SYNGR1: variants seen among roughly 807,000 people sequenced by gnomAD.
The protein encoded by SYNGR1 is synaptogyrin 1.
SYNGR1 carries 14 observed loss-of-function variants against 26.1 expected under a neutral mutation model. The ratio of observed to expected loss-of-function variants is 0.54; its 90% confidence interval spans 0.35 to 0.84. SYNGR1 has a LOEUF of 0.84. SYNGR1 is among the 40% of genes least tolerant of loss of function. The pLI is 0.01. For synonymous variants in SYNGR1, 141 were observed against 150.1 expected, an observed-to-expected ratio of 0.94 and a Z score of 0.44; for missense variants, 319 against 332.9, an observed-to-expected ratio of 0.96 and a Z score of 0.33.
chr22:39,359,229 C>T (rs1924338075), intron 1 of SYNGR1, among the ~76,000 whole-genome samples: 1 of 152,174 alleles, frequency 6.6e-6, no homozygotes, highest in Admixed American at 6.5e-5. Context: ...AGGCCACTTA[C>T]AGGACATTGT....
rs138393719 is a variant in SYNGR1 at position 39,383,441 on chromosome 22, T to C, written c.*1527T>C. 1 of 152,350 alleles carries C rather than the reference T, an allele frequency of 6.6e-6. No individual in the cohort carries two copies. The highest frequency in any genetic ancestry group is 6.5e-5 in the Admixed American group (1 of 15,284). 9.4% of individuals were successfully genotyped at this position (152,350 alleles called of 1,614,324 possible). A position where few individuals can be genotyped will look rare whatever the true frequency, so the allele number is the denominator to read the frequency against. The stretch of plus-strand genomic sequence containing the variant: ...TGAGGAGGTCATAATCTCTTCTGAG[T>C]GGGGGCAGGTCGATTCTTGCACAAG... On this transcript the variant is annotated 3_prime_UTR_variant, in exon 4 of 4. Coordinates refer to ENST00000328933, the MANE Select transcript of SYNGR1 (RefSeq NM_004711.5).
chr22:39,364,560 G>C (rs1215425833), intron 1 of SYNGR1, among the ~76,000 whole-genome samples: 3 of 152,228 alleles, frequency 2.0e-5, no homozygotes, highest in African/African-American at 4.8e-5. Flanking sequence ...GTGGGAAAGA[G>C]TGACTGGGAA....
intron 2 of SYNGR1, 88 bp downstream of exon 2, chr22:39,374,641 G>A (rs780778010): frequency 2.2e-6 from 3 of 1,393,122 alleles, no homozygotes; most frequent in Admixed American, 1.8e-5. Flanking sequence ...TTCTTCCCAT[G>A]TTTCAGATGA....
intron 1 of SYNGR1, among the ~76,000 whole-genome samples, chr22:39,370,036 T>C (rs1420070783): frequency 6.6e-6 from 1 of 152,224 alleles, no homozygotes; most frequent in Non-Finnish European, 1.5e-5. Flanking sequence ...TTTTGCTGTG[T>C]TGCCCAGGCT....
intron 1 of SYNGR1, among the ~76,000 whole-genome samples, chr22:39,369,934 G>A (rs1200945413): frequency 1.3e-5 from 2 of 152,158 alleles, no homozygotes; most frequent in African/African-American, 4.8e-5. Flanking sequence ...ACTGTGGCCA[G>A]ATTAGCCTAA....
intron 1 of SYNGR1, among the ~76,000 whole-genome samples, chr22:39,359,646 A>G (rs1282813879): frequency 6.7e-6 from 1 of 150,258 alleles, no homozygotes; most frequent in East Asian, 2.0e-4. Flanking sequence ...AAAAAAAAAA[A>G]AAAAAAAAAA....
intron 1 of SYNGR1, among the ~76,000 whole-genome samples, chr22:39,360,240 C>T (rs1303795167): frequency 1.3e-5 from 2 of 152,204 alleles, no homozygotes; most frequent in African/African-American, 4.8e-5. Flanking sequence ...CCTCTCTCTC[C>T]TCCACCCTCA....
At chr22:39,375,698 G>A in intron 2 of SYNGR1, 1 of 586,778 alleles carries the variant, frequency 1.7e-6, no homozygotes, top group South Asian at 2.1e-5. Flanking sequence ...GGCTGGACAT[G>A]GGGGTTTGGC....
Position 39,366,645 on chromosome 22 carries a change from C to T in SYNGR1, c.100-7671C>T, listed in dbSNP as rs138069853. 6.0e-4 allele frequency among the ~76,000 whole-genome samples: 91 copies of T among 152,118 alleles called. 1 individual carries two copies. Among genetic ancestry groups the T allele is most frequent in the Middle Eastern group, 3.4e-3 (1 of 294 alleles). On this transcript the variant is annotated intron_variant, in intron 1 of 3. Coordinates refer to ENST00000328933, the MANE Select transcript of SYNGR1 (RefSeq NM_004711.5). ...CGGGCAACAGAGCGAGACTCCATCT[C>T]AAAAATATATATATATATTCAGCAC...
intron 1 of SYNGR1, among the ~76,000 whole-genome samples, chr22:39,369,787 G>C (rs80343300): frequency 3.3e-5 from 5 of 152,204 alleles, no homozygotes; most frequent in African/African-American, 1.2e-4. Context: ...ATGCCCTCAC[G>C]GGTCTGAAGT....
intron 1 of SYNGR1, among the ~76,000 whole-genome samples, chr22:39,358,219 ACT>A (rs1924266955): frequency 6.6e-6 from 1 of 152,158 alleles, no homozygotes; most frequent in South Asian, 2.1e-4. Context: ...GTGTGTCCAA[ACT>A]CTGTATCTAA....
chr22:39,359,042 C>T (rs570535521), intron 1 of SYNGR1, among the ~76,000 whole-genome samples: 1 of 152,310 alleles, frequency 6.6e-6, no homozygotes, highest in East Asian at 1.9e-4. Flanking sequence ...GTGCAGGGGG[C>T]AAGAGTCCCT....
chr22:39,354,121 C>G (rs1031836187), intron 1 of SYNGR1, among the ~76,000 whole-genome samples: 2 of 152,204 alleles, frequency 1.3e-5, no homozygotes, highest in African/African-American at 4.8e-5. Flanking sequence ...CTCAGCCTCC[C>G]AAAGTGCTGG....
At chr22:39,361,693 C>T (rs542653299) in intron 1 of SYNGR1, among the ~76,000 whole-genome samples, 1 of 152,108 alleles carries the variant, frequency 6.6e-6, no homozygotes, top group South Asian at 2.1e-4. Context: ...AGAGACCTCA[C>T]AGAACCTCAG....
chr22:39,378,012 A>G, intron 3 of SYNGR1: 2 of 1,204,464 alleles, frequency 1.7e-6, no homozygotes, highest in Non-Finnish European at 2.1e-6. Context: ...TTCCAAATGG[A>G]CAGCCGTGGA....
intron 3 of SYNGR1, chr22:39,379,827 A>G (rs1214209739): frequency 6.6e-6 from 1 of 151,974 alleles, no homozygotes; most frequent in Non-Finnish European, 1.5e-5. Context: ...AAGGGGTAGG[A>G]CCCCATGTTT....
At chr22:39,371,203 G>C (rs552021559) in intron 1 of SYNGR1, among the ~76,000 whole-genome samples, 90 of 152,186 alleles carry the variant, frequency 5.9e-4, no homozygotes, top group African/African-American at 2.1e-3. Context: ...GAGGCCGGGC[G>C]TGGTGGCTGA....
chr22:39,357,720 G>A (rs1394813124), intron 1 of SYNGR1, among the ~76,000 whole-genome samples: 1 of 151,222 alleles, frequency 6.6e-6, no homozygotes, highest in Non-Finnish European at 1.5e-5. Flanking sequence ...CTGGCCCCGG[G>A]CAATGAGGGA....
chr22:39,377,907 G>A, intron 3 of SYNGR1: 2 of 1,410,494 alleles, frequency 1.4e-6, no homozygotes, highest in Admixed American at 4.6e-5. Flanking sequence ...AACATTTATT[G>A]AGCAGCTGTT....
Sources: gnomAD v4.1 joint callset for allele counts (sites outside exome capture counted in the v4.1 genomes callset) on GRCh38, gnomAD v4.1.1 for gene constraint, MANE v1.5 for transcripts, NCBI Gene and HGNC (gene_info 2026-07-23, HGNC 2026-07-21) for gene names.